SIGLEC1: variants seen among roughly 807,000 people sequenced by gnomAD.
SIGLEC1 encodes sialic acid binding Ig like lectin 1, also known as sialoadhesin.
In SIGLEC1, 132 loss-of-function variants were observed where a neutral mutation model predicts 148.0. That is an observed-to-expected ratio of 0.89 (90% CI 0.77 to 1.03). The LOEUF is 1.03. Among genes scored for constraint, SIGLEC1 ranks in the 50% least tolerant of loss-of-function variants. The probability of loss-of-function intolerance (pLI) is 0.00; values close to 1 mark genes in which losing one functional copy is unlikely to be tolerated. For synonymous variants in SIGLEC1, 945 were observed against 969.0 expected (o/e 0.98, Z 0.46); for missense variants, 2,253 against 2,271.4 (o/e 0.99, Z 0.16).
rs753450931 is a variant in SIGLEC1, at chr20:3,706,319, G to A, written c.409+28C>T. ...GAAGCAGCTTGGGAATCCCTCCCGGGGGGCAGCCAGGCCACCCCACTTATC... is the reference window on the plus strand; with the variant it reads ...GAAGCAGCTTGGGAATCCCTCCCGGAGGGCAGCCAGGCCACCCCACTTATC... On this transcript the variant is annotated intron_variant, in intron 3 of 21. Coordinates refer to ENST00000344754, the MANE Select transcript of SIGLEC1 (RefSeq NM_023068.4). 9 of 1,586,382 alleles carry A rather than the reference G, an allele frequency of 5.7e-6. No individual in the cohort carries two copies. In the East Asian group the frequency reaches 1.8e-4, roughly 32 times the overall value.
chr20:3,699,583 G>A (rs776371782), intron 7 of SIGLEC1, 124 bp from the exon 8 acceptor site: 1 of 1,255,906 alleles, frequency 8.0e-7, no homozygotes, highest in Non-Finnish European at 1.1e-6. Context: ...GCTTTGTGGT[G>A]CATCAGGAGG....
rs1371750563 is a variant in SIGLEC1, at chr20:3,688,324, G to A, written c.*236C>T. On this transcript the variant is annotated 3_prime_UTR_variant, in exon 22 of 22. Transcript: ENST00000344754. ...GGAGGAGATCCAGAGAAGAGAGAGC[G>A]AGATCAGCTCAGTGCTCTTCAGTGT... The A allele has an allele frequency of 2.1e-5, 11 of 524,200 alleles. No homozygotes were observed. The highest frequency in any genetic ancestry group is 3.5e-5 in the Non-Finnish European group (10 of 288,782). The allele number at this position is 524,200 out of a possible 1,614,324, so 32.5% of individuals were successfully genotyped here. A position where few individuals can be genotyped will look rare whatever the true frequency, so the allele number is the denominator to read the frequency against.
chr20:3,689,672 A>C lies in SIGLEC1; in HGVS notation c.4925T>G (p.Leu1642Arg). 1.3e-6 allele frequency: 2 copies of C among 1,587,572 alleles called. No individual in the cohort carries two copies. Among genetic ancestry groups the C allele is most frequent in the Non-Finnish European group, 1.7e-6 (2 of 1,167,380 alleles). The change falls in exon 20 of 22, where the codon CTG becomes CGG. Residue 1642 changes from leucine to arginine, a missense_variant. Leu to Arg is a moderately radical substitution (Grantham distance 102). Coordinates refer to ENST00000344754, the MANE Select transcript of SIGLEC1 (RefSeq NM_023068.4). ...ALHRLHQFQQ[L>R]LWVLGLLVGL... Reference sequence around the variant, plus strand: ...CACCAGCAGTCCCAGGACCCAGAGCAGCTGCTGGAACTGATGCAGGCGGTG... The same window carrying C: ...CACCAGCAGTCCCAGGACCCAGAGCCGCTGCTGGAACTGATGCAGGCGGTG...
chr20:3,704,233 G>A (rs2087876219), intron 4 of SIGLEC1, 142 bp from the exon 5 acceptor site: 3 of 781,580 alleles, frequency 3.8e-6, no homozygotes, highest in Non-Finnish European at 6.1e-6. Context: ...CCTCACCCAG[G>A]GCATGCTCTG....
chr20:3,696,964 C>G, intron 10 of SIGLEC1, 76 bp from the exon 11 acceptor site: 1 of 1,531,076 alleles, frequency 6.5e-7, no homozygotes, highest in Non-Finnish European at 8.8e-7. Flanking sequence ...TCCCCCACCT[C>G]CTGCCACACA....
At position 3,707,090 on chromosome 20, in the gene SIGLEC1, G is replaced by T. The variant is rs1452109585; in HGVS notation, c.39C>A (p.Phe13Leu). ...FLPKLLLLAS[F>L]FPAGQASWGV... ...GCCCGCAAAGCTTACCTGCTGGGAA[G>T]AATGAGGCCAGGAGGAGAAGCTTGG... The change falls in exon 2 of 22, where the codon TTC (phenylalanine) becomes TTA (leucine). Residue 13 changes from phenylalanine to leucine, a missense_variant. Phe to Leu is a conservative substitution (Grantham distance 22, BLOSUM62 0). Coordinates refer to ENST00000344754, the MANE Select transcript of SIGLEC1 (RefSeq NM_023068.4). 2 of 1,614,100 alleles carry T rather than the reference G, an allele frequency of 1.2e-6. No homozygotes were observed. The highest frequency in any genetic ancestry group is 8.5e-7 in the Non-Finnish European group (1 of 1,179,962).
At chr20:3,696,934 A>G (rs760044510) in intron 10 of SIGLEC1, 46 bp from the exon 11 acceptor site, 1 of 1,538,634 alleles carries the variant, frequency 6.5e-7, no homozygotes, top group East Asian at 2.3e-5. Context: ...AGCTCACCAC[A>G]TTACAACTGC....
intron 11 of SIGLEC1, among the ~76,000 whole-genome samples, chr20:3,696,129 T>TATATACAC (rs11087599): frequency 0.048 from 6,902 of 142,382 alleles, 211 homozygotes; most frequent in Admixed American, 0.088. Flanking sequence ...ACTATATATA[T>TATATACAC]ACACACACAC....
In SIGLEC1 at chr20:3,693,139, G is replaced by T; in HGVS notation, c.3509-8C>A. 1.3e-6 allele frequency: 2 copies of T among 1,537,204 alleles called. No homozygotes were observed. The highest frequency in any genetic ancestry group is 1.7e-6 in the Non-Finnish European group (2 of 1,150,214). On this transcript the variant is annotated splice_region_variant and splice_polypyrimidine_tract_variant and intron_variant, in intron 14 of 21. Transcript: ENST00000344754. ...GCAGGTTGCGGGGCGCGTCTGCAGGGCATGAGAGGCTTACACGGAGTCACA... is the reference window on the plus strand; with the variant it reads ...GCAGGTTGCGGGGCGCGTCTGCAGGTCATGAGAGGCTTACACGGAGTCACA...
At position 3,694,525 on chromosome 20, in the gene SIGLEC1, TG is replaced by T. The variant is rs746977518; in HGVS notation, c.2951del (p.Pro984HisfsTer9). 1 of 1,558,036 alleles carries T rather than the reference TG, an allele frequency of 6.4e-7. No homozygotes were observed. Among genetic ancestry groups the T allele is most frequent in the East Asian group, 2.3e-5 (1 of 43,348 alleles). ...TCAGGGTAGTGAGTGTGACGTGGCGTGGGGCATCTACACAGGGTGGGGAGTG... is the reference window on the plus strand; with the variant it reads ...TCAGGGTAGTGAGTGTGACGTGGCGTGGGCATCTACACAGGGTGGGGAGTG... The part of the protein sequence containing the change: ...APISLHVSYA[P>X]RHVTLTTLMD... On this transcript the variant is annotated frameshift_variant, in exon 13 of 22. Transcript: ENST00000344754. LOFTEE classifies it high-confidence loss of function.
Position 3,706,527 on chromosome 20 carries a change from T to C in SIGLEC1, c.229A>G (p.Lys77Glu), listed in dbSNP as rs1380097045. 5.0e-6 allele frequency: 8 copies of C among 1,613,138 alleles called. No individual in the cohort carries two copies. In the African/African-American group the frequency reaches 6.7e-5, roughly 13 times the overall value. ...RQVVSHSADP[K>E]LVEARFRGRT... ...CCGCGGAAGCGGGCCTCCACCAGCT[T>C]GGGGTCCGCCGAGTGGCTCACCACC... The change falls in exon 3 of 22, where the codon AAG (lysine) becomes GAG (glutamate). Residue 77 changes from lysine to glutamate, a missense_variant. Coordinates refer to ENST00000344754, the MANE Select transcript of SIGLEC1 (RefSeq NM_023068.4).
intron 4 of SIGLEC1, among the ~76,000 whole-genome samples, chr20:3,705,293 G>A (rs775043234): frequency 2.6e-5 from 4 of 152,146 alleles, no homozygotes; most frequent in Non-Finnish European, 5.9e-5. Flanking sequence ...CACCGCGCCC[G>A]GCCCATCTCC....
chr20:3,708,855 G>A (rs915452394), intron 1 of SIGLEC1, among the ~76,000 whole-genome samples: 2 of 152,036 alleles, frequency 1.3e-5, no homozygotes, highest in African/African-American at 4.8e-5. Flanking sequence ...AGACCATCCT[G>A]GCCAACATGG....
intron 21 of SIGLEC1, 165 bp from the exon 22 acceptor site, chr20:3,688,784 A>T: frequency 1.6e-6 from 1 of 615,554 alleles, no homozygotes; most frequent in Non-Finnish European, 2.9e-6. Context: ...CAGAAGGGAC[A>T]CACCACAGGG....
Position 3,692,002 on chromosome 20 carries a change from G to C in SIGLEC1, c.4231C>G (p.Leu1411Val). Residue 1411 changes from leucine to valine, a missense_variant, in exon 17 of 22, where the codon CTG becomes GTG. Leu to Val is a conservative substitution (Grantham distance 32). Transcript: ENST00000344754. The stretch of plus-strand genomic sequence containing the variant: ...CCTGCAGGCACATCTTGCACCTGCA[G>C]CCGTAGGGCGTTTCGGGCCACCTGG... ...HVQVARNALR[L>V]QVQDVPAGDD... 2 of 1,613,580 alleles carry C rather than the reference G, an allele frequency of 1.2e-6. No homozygotes were observed. Among genetic ancestry groups the C allele is most frequent in the Non-Finnish European group, 1.7e-6 (2 of 1,179,866 alleles).
Position 3,690,146 on chromosome 20 carries a change from A to T in SIGLEC1, c.4710T>A (p.Ser1570Arg), listed in dbSNP as rs1451066319. 1 of 1,602,634 alleles carries T rather than the reference A, an allele frequency of 6.2e-7. No individual in the cohort carries two copies. Among genetic ancestry groups the T allele is most frequent in the Non-Finnish European group, 8.5e-7 (1 of 1,175,358 alleles). The change falls in exon 19 of 22, where the codon AGT becomes AGA. Residue 1570 changes from serine (S) to arginine (R), a missense_variant. By Grantham distance (110) the Ser-to-Arg change is moderately radical. Coordinates refer to ENST00000344754, the MANE Select transcript of SIGLEC1 (RefSeq NM_023068.4). ...PLASLTLHLG[S>R]RLVASSQPQG... ...GGGGCTGACTGGAGGCCACCAGTCG[A>T]CTGCCAAGGTGGAGAGTCAGGCTGG...
chr20:3,696,801 G>A lies in SIGLEC1; in HGVS notation c.2468C>T (p.Pro823Leu), dbSNP rs1568842396. 1.9e-6 allele frequency: 3 copies of A among 1,611,660 alleles called. No homozygotes were observed. Among genetic ancestry groups the A allele is most frequent in the Non-Finnish European group, 2.5e-6 (3 of 1,179,044 alleles). The change falls in exon 11 of 22, where the codon CCC becomes CTC. Residue 823 changes from proline to leucine, a missense_variant. Transcript: ENST00000344754. The stretch of plus-strand genomic sequence containing the variant: ...ATGGAACAAGGCCAGCAAGGCCAGG[G>A]GGCGGCTGTCCACAGTGCAGATGAA... Reference protein sequence around the residue: ...ALFICTVDSRPLALLALFHGE... With the variant: ...ALFICTVDSRLLALLALFHGE...
chr20:3,702,857 ATATG>A (rs1466604070), intron 6 of SIGLEC1, among the ~76,000 whole-genome samples: 4 of 152,242 alleles, frequency 2.6e-5, no homozygotes, highest in Admixed American at 2.0e-4. Flanking sequence ...CCATACATTT[ATATG>A]TATGTATGTG....
rs968302332 is a variant in SIGLEC1, at chr20:3,689,154, C to T, written c.5070+1G>A. 4 of 1,613,050 alleles carry T rather than the reference C, an allele frequency of 2.5e-6. No homozygotes were observed. In the African/African-American group the frequency reaches 4.0e-5, roughly 16 times the overall value. ...TCTGCCCGTGTGTGTTGAATGGATA[C>T]CTGCGTGGTCTCTTTCTGAAAAGCC... is the stretch of plus-strand genomic sequence containing the variant. On this transcript the variant is annotated splice_donor_variant, in intron 21 of 21. Coordinates refer to ENST00000344754, the MANE Select transcript of SIGLEC1 (RefSeq NM_023068.4). LOFTEE classifies it high-confidence loss of function.
Sources: allele counts gnomAD v4.1 joint callset (sites outside exome capture counted in the v4.1 genomes callset), GRCh38; gene constraint gnomAD v4.1.1; transcripts MANE v1.5; gene names NCBI Gene and HGNC (gene_info 2026-07-23, HGNC 2026-07-21).